The following PPM1E variants were observed in gnomAD, a reference collection of about 807,000 sequenced individuals.
PPM1E encodes protein phosphatase 1E.
PPM1E carries 20 observed loss-of-function variants against 65.9 expected under a neutral mutation model. That is an observed-to-expected ratio of 0.30 (90% confidence interval 0.21 to 0.44). PPM1E has a LOEUF of 0.44. PPM1E is among the 20% of genes least tolerant of loss of function. PPM1E has a pLI of 1.00. For synonymous variants in PPM1E, 352 were observed against 374.9 expected (o/e 0.94, Z 0.70); for missense variants, 713 against 953.1 (o/e 0.75, Z 3.32).
chr17:58,907,626 C>A (rs905728344), intron 1 of PPM1E, among the ~76,000 whole-genome samples: 4 of 152,166 alleles, frequency 2.6e-5, no homozygotes, highest in African/African-American at 9.6e-5. Flanking sequence ...ATCTCTTTGT[C>A]CTTGTTGTTC....
intron 1 of PPM1E, among the ~76,000 whole-genome samples, chr17:58,860,346 C>T (rs952297447): frequency 1.3e-5 from 2 of 152,180 alleles, no homozygotes; most frequent in Admixed American, 6.5e-5. Flanking sequence ...CCAGTAAATA[C>T]ACAATGCCCA....
chr17:58,857,227 GTACTT>G (rs1474827752), intron 1 of PPM1E, among the ~76,000 whole-genome samples: 1 of 151,930 alleles, frequency 6.6e-6, no homozygotes, highest in African/African-American at 2.4e-5. Context: ...CATTGATAAA[GTACTT>G]TAATCTGTTG....
chr17:58,948,087 G>A (rs2052186809), intron 1 of PPM1E, among the ~76,000 whole-genome samples: 1 of 152,016 alleles, frequency 6.6e-6, no homozygotes. Flanking sequence ...GAAGCCACGT[G>A]GCCTTTTATG....
chr17:58,793,752 A>G (rs992056434), intron 1 of PPM1E, among the ~76,000 whole-genome samples: 2 of 152,182 alleles, frequency 1.3e-5, no homozygotes, highest in Non-Finnish European at 2.9e-5. Flanking sequence ...ACTTGTTTAT[A>G]TCTGTACAAT....
intron 1 of PPM1E, among the ~76,000 whole-genome samples, chr17:58,811,014 T>C (rs1212311540): frequency 6.6e-6 from 1 of 152,086 alleles, no homozygotes; most frequent in Admixed American, 6.6e-5. Flanking sequence ...CGCGCTACTA[T>C]GCCTGGAAAA....
At chr17:58,854,257 C>T (rs1010834673) in intron 1 of PPM1E, among the ~76,000 whole-genome samples, 2 of 152,016 alleles carry the variant, frequency 1.3e-5, no homozygotes, top group African/African-American at 4.8e-5. Context: ...GACTTTGTAT[C>T]CTGCCATTTT....
chr17:58,809,456 G>T (rs578111987), intron 1 of PPM1E, among the ~76,000 whole-genome samples: 1 of 151,848 alleles, frequency 6.6e-6, no homozygotes, highest in African/African-American at 2.4e-5. Context: ...GCAGTGGCGC[G>T]GCTTAACTGC....
intron 1 of PPM1E, among the ~76,000 whole-genome samples, chr17:58,928,383 A>G (rs1224227858): frequency 2.0e-5 from 3 of 151,950 alleles, no homozygotes; most frequent in Admixed American, 1.3e-4. Context: ...ATTATATATT[A>G]TATTACTATT....
At chr17:58,922,036 T>C (rs370912296) in intron 1 of PPM1E, among the ~76,000 whole-genome samples, 5 of 146,606 alleles carry the variant, frequency 3.4e-5, no homozygotes, top group African/African-American at 1.3e-4. Context: ...CGAGACTCCA[T>C]CTCAAAAAGA....
chr17:58,895,575 A>C (rs1402763042), intron 1 of PPM1E, among the ~76,000 whole-genome samples: 1 of 151,498 alleles, frequency 6.6e-6, no homozygotes, highest in Non-Finnish European at 1.5e-5. Context: ...GGGAGGCTGA[A>C]GTGGGAAGAT....
intron 1 of PPM1E, among the ~76,000 whole-genome samples, chr17:58,916,901 C>T (rs1055898514): frequency 6.6e-6 from 1 of 152,132 alleles, no homozygotes; most frequent in East Asian, 1.9e-4. Flanking sequence ...AACAGAGATT[C>T]CCTCAGTAAC....
At chr17:58,850,917 TCAGA>T (rs1211416006) in intron 1 of PPM1E, among the ~76,000 whole-genome samples, 67 of 152,264 alleles carry the variant, frequency 4.4e-4, no homozygotes, top group African/African-American at 1.5e-3. Context: ...GGTACACCAG[TCAGA>T]CAGAGATTTG....
In PPM1E at chr17:58,919,591, G is replaced by T. The variant is rs184338513; in HGVS notation, c.465-36058G>T. 2.5e-4 allele frequency among the ~76,000 whole-genome samples: 38 copies of T among 152,166 alleles called. No individual in the cohort carries two copies. In the East Asian group the frequency reaches 3.9e-3, roughly 15 times the overall value. ...ACCTGAGATCGGGAGTTTGAGACCA[G>T]CCTGACCAACATGGAGAAACCCTGT... is the stretch of plus-strand genomic sequence containing the variant. On this transcript the variant is annotated intron_variant, in intron 1 of 6. Transcript: ENST00000308249.
At chr17:58,852,622 T>G (rs1431041565) in intron 1 of PPM1E, among the ~76,000 whole-genome samples, 1 of 147,422 alleles carries the variant, frequency 6.8e-6, no homozygotes, top group African/African-American at 2.6e-5. Flanking sequence ...TTTTTTTTTT[T>G]GAGATGGAGT....
chr17:58,960,782 GAAAA>G (rs1329427744), intron 2 of PPM1E, among the ~76,000 whole-genome samples: 4 of 142,732 alleles, frequency 2.8e-5, no homozygotes, highest in Non-Finnish European at 6.1e-5. Flanking sequence ...AAAAAAAAAA[GAAAA>G]ATAATTATAA....
At chr17:58,908,408 C>T (rs1342898517) in intron 1 of PPM1E, among the ~76,000 whole-genome samples, 3 of 149,504 alleles carry the variant, frequency 2.0e-5, no homozygotes, top group Non-Finnish European at 4.4e-5. Flanking sequence ...GCTTCAGTTT[C>T]CTCTTTTTTA....
intron 1 of PPM1E, among the ~76,000 whole-genome samples, chr17:58,782,249 C>T (rs1292949529): frequency 6.6e-6 from 1 of 152,086 alleles, no homozygotes; most frequent in Non-Finnish European, 1.5e-5. Context: ...AATAAGTAAT[C>T]ATGACCTTAT....
chr17:58,967,123 C>T (rs778906650), intron 3 of PPM1E, among the ~76,000 whole-genome samples: 5 of 152,144 alleles, frequency 3.3e-5, no homozygotes, highest in Non-Finnish European at 7.4e-5. Context: ...GAAAGGAGAA[C>T]CTTGCTATAG....
intron 1 of PPM1E, among the ~76,000 whole-genome samples, chr17:58,764,514 C>T (rs1042484838): frequency 6.6e-5 from 10 of 152,128 alleles, no homozygotes; most frequent in African/African-American, 2.4e-4. Flanking sequence ...CACCTCACTG[C>T]AGCCTCAAAC....
Sources: allele counts gnomAD v4.1 joint callset (sites outside exome capture counted in the v4.1 genomes callset), GRCh38; gene constraint gnomAD v4.1.1; transcripts MANE v1.5; gene names NCBI Gene and HGNC (gene_info 2026-07-23, HGNC 2026-07-21).